The following DOCK4 variants were observed in gnomAD, a reference collection of about 807,000 sequenced individuals.
The protein encoded by DOCK4 is dedicator of cytokinesis 4.
Under a neutral mutation model 268.1 loss-of-function variants are expected in DOCK4, and 97 were observed. That is an observed-to-expected ratio of 0.36 (90% CI 0.31 to 0.43). The LOEUF is 0.43. Among genes scored for constraint, DOCK4 ranks in the 20% least tolerant of loss-of-function variants. The probability of loss-of-function intolerance (pLI) is 1.00; values close to 1 mark genes in which losing one functional copy is unlikely to be tolerated. For synonymous variants in DOCK4, 954 were observed against 887.2 expected (o/e 1.08, Z -1.34); for missense variants, 2,145 against 2,455.7 (o/e 0.87, Z 2.67).
chr7:111,969,600 T>A (rs1797536944), intron 8 of DOCK4, among the ~76,000 whole-genome samples: 1 of 150,696 alleles, frequency 6.6e-6, no homozygotes, highest in Non-Finnish European at 1.5e-5. Flanking sequence ...AAATCTCAGG[T>A]GAATAGGTTC....
intron 8 of DOCK4, among the ~76,000 whole-genome samples, chr7:111,974,880 T>C (rs1798048684): frequency 6.6e-6 from 1 of 152,194 alleles, no homozygotes; most frequent in African/African-American, 2.4e-5. Flanking sequence ...AATGAGATGA[T>C]ATTTAGAGAC....
intron 1 of DOCK4, among the ~76,000 whole-genome samples, chr7:112,072,438 A>G (rs1223359328): frequency 1.3e-5 from 2 of 152,208 alleles, no homozygotes; most frequent in Non-Finnish European, 2.9e-5. Context: ...TTGGGGATGC[A>G]GACAAAAGGG....
chr7:112,137,174 T>A (rs1011541248), intron 1 of DOCK4, among the ~76,000 whole-genome samples: 28 of 152,232 alleles, frequency 1.8e-4, no homozygotes, highest in African/African-American at 6.8e-4. Context: ...TTTTTTATCA[T>A]AGCTTATGTG....
chr7:111,916,711 T>C (rs1254703196), intron 12 of DOCK4, among the ~76,000 whole-genome samples: 1 of 152,176 alleles, frequency 6.6e-6, no homozygotes, highest in African/African-American at 2.4e-5. Context: ...TATGTCTGTA[T>C]GCATACTCCA....
intron 1 of DOCK4, among the ~76,000 whole-genome samples, chr7:112,194,182 T>C (rs1820219763): frequency 6.6e-6 from 1 of 152,180 alleles, no homozygotes; most frequent in African/African-American, 2.4e-5. Context: ...TAAAACCTCT[T>C]CAAATTGTTG....
At position 111,769,572 on chromosome 7, in the gene DOCK4, T is replaced by C. The variant is rs1366117173; in HGVS notation, c.3785A>G (p.Glu1262Gly). Residue 1262 changes from glutamate to glycine, a missense_variant, in exon 37 of 53, where the codon GAG becomes GGG. Glu to Gly is a moderately conservative substitution (Grantham distance 98, BLOSUM62 -2). Coordinates refer to ENST00000428084, the MANE Select transcript of DOCK4 (RefSeq NM_001363540.2). The stretch of plus-strand genomic sequence containing the variant: ...CTGGATGATGGTGAGGTGCAGGTGC[T>C]CTTTGCGCTGCCATTCTGTTTGCAT... ...YPMQTEWQRK[E>G]HLHLTIIQNF... is the part of the protein sequence containing the mutation. The C allele has an allele frequency of 6.2e-7, 1 of 1,613,644 alleles. No homozygotes were observed. The highest frequency in any genetic ancestry group is 8.5e-7 in the Non-Finnish European group (1 of 1,179,768).
chr7:112,028,387 G>A (rs1802989076), intron 1 of DOCK4, among the ~76,000 whole-genome samples: 1 of 152,072 alleles, frequency 6.6e-6, no homozygotes, highest in South Asian at 2.1e-4. Flanking sequence ...GTATTTTGTT[G>A]GCAGAATGGA....
intron 50 of DOCK4, among the ~76,000 whole-genome samples, chr7:111,735,880 A>ATGTTGAG (rs1207821433): frequency 6.6e-6 from 1 of 152,192 alleles, no homozygotes; most frequent in Non-Finnish European, 1.5e-5. Context: ...TCTGGTGGGC[A>ATGTTGAG]TGTTGAGAAT....
In DOCK4 at chr7:111,890,780, T is replaced by C. The variant is rs146425927; in HGVS notation, c.1587+4832A>G. Among the ~76,000 whole-genome samples the C allele has an allele frequency of 3.7e-4, 57 of 152,324 alleles. 1 individual carries two copies. The East Asian group carries it at 0.01, about 28-fold the overall frequency. ...TTTAAGGCCTAAATTAGGATACTAATAGCCTTCAACACAGCAGATTTCTTC... is the reference window on the plus strand; with the variant it reads ...TTTAAGGCCTAAATTAGGATACTAACAGCCTTCAACACAGCAGATTTCTTC... On this transcript the variant is annotated intron_variant, in intron 16 of 52. Transcript: ENST00000428084.
Position 111,974,369 on chromosome 7 carries a change from G to C in DOCK4, c.701+2763C>G, listed in dbSNP as rs572391219. ...TCATTTTTTTGCCAATCACCTTTATGGTGATTGTGAGTTTGAGAGGTGAGA... is the reference window on the plus strand; with the variant it reads ...TCATTTTTTTGCCAATCACCTTTATCGTGATTGTGAGTTTGAGAGGTGAGA... On this transcript the variant is annotated intron_variant, in intron 8 of 52. Transcript: ENST00000428084. Among the ~76,000 whole-genome samples the C allele has an allele frequency of 4.3e-4, 66 of 152,096 alleles. No individual in the cohort carries two copies. In the South Asian group the frequency reaches 0.01, roughly 24 times the overall value.
chr7:111,950,652 A>G (rs1327641377), intron 8 of DOCK4, among the ~76,000 whole-genome samples: 1 of 152,192 alleles, frequency 6.6e-6, no homozygotes, highest in Non-Finnish European at 1.5e-5. Flanking sequence ...ATTCTCTCCA[A>G]ACTTTCCCAT....
At chr7:112,139,298 A>C (rs1052730487) in intron 1 of DOCK4, among the ~76,000 whole-genome samples, 3 of 152,180 alleles carry the variant, frequency 2.0e-5, no homozygotes, top group African/African-American at 7.2e-5. Context: ...AAATACCCCC[A>C]AAAAGGGCTG....
At chr7:112,000,670 G>A in intron 2 of DOCK4, 136 bp from the exon 3 acceptor site, 1 of 534,396 alleles carries the variant, frequency 1.9e-6, no homozygotes, top group Non-Finnish European at 3.1e-6. Flanking sequence ...GGTAGGTATT[G>A]GCCTTAGGCT....
intron 27 of DOCK4, chr7:111,819,515 C>T (rs1401693065): frequency 1.3e-5 from 2 of 152,032 alleles, no homozygotes; most frequent in African/African-American, 4.8e-5. Context: ...CTATGTTATA[C>T]AATATTAGGC....
At chr7:111,763,907 T>C (rs1298234287) in intron 39 of DOCK4, among the ~76,000 whole-genome samples, 2 of 152,156 alleles carry the variant, frequency 1.3e-5, no homozygotes, top group Non-Finnish European at 2.9e-5. Context: ...TTGTCCAGAG[T>C]GGTCTGGAAC....
In DOCK4 at chr7:111,769,645, G is replaced by A. The variant is rs200042398; in HGVS notation, c.3712C>T (p.Leu1238=). ...AAYTLLLYDE[L]LEWSDRPLRE... is the part of the protein sequence containing the mutation. ...AGGGGCCGATCAGACCATTCCAGTAGCTCGTCATATAAGAGGAGGGTATAT... is the reference window on the plus strand; with the variant it reads ...AGGGGCCGATCAGACCATTCCAGTAACTCGTCATATAAGAGGAGGGTATAT... The change falls in exon 37 of 53, where the codon CTA becomes TTA. Residue 1238 remains leucine (L), a synonymous_variant. Transcript: ENST00000428084. The A allele has an allele frequency of 3.1e-6, 5 of 1,613,782 alleles. No homozygotes were observed. Among genetic ancestry groups the A allele is most frequent in the African/African-American group, 1.3e-5 (1 of 75,024 alleles).
At chr7:112,042,935 G>T (rs1301161145) in intron 1 of DOCK4, among the ~76,000 whole-genome samples, 1 of 152,166 alleles carries the variant, frequency 6.6e-6, no homozygotes, top group African/African-American at 2.4e-5. Context: ...AGCCTCTCGT[G>T]CTTGTTTCTT....
At position 111,728,695 on chromosome 7, in the gene DOCK4, G is replaced by A; in HGVS notation, c.5507C>T (p.Ser1836Phe). 1 of 1,613,276 alleles carries A rather than the reference G, an allele frequency of 6.2e-7. No individual in the cohort carries two copies. Among genetic ancestry groups the A allele is most frequent in the Admixed American group, 1.7e-5 (1 of 59,910 alleles). Residue 1836 changes from serine to phenylalanine, a missense_variant, in exon 53 of 53, where the codon TCT (serine) becomes TTT (phenylalanine). By Grantham distance (155) the Ser-to-Phe change is radical. Coordinates refer to ENST00000428084, the MANE Select transcript of DOCK4 (RefSeq NM_001363540.2). ...LKGSVQSFTP[S>F]PVEYHSPGLI... ...TCCTGGCGAGTGGTACTCCACTGGA[G>A]AGGGGGTGAAAGACTGCACAGAGCC... is the stretch of plus-strand genomic sequence containing the variant.
At chr7:111,947,567 T>C (rs1795718234) in intron 8 of DOCK4, among the ~76,000 whole-genome samples, 2 of 135,976 alleles carry the variant, frequency 1.5e-5, no homozygotes, top group African/African-American at 2.8e-5. Flanking sequence ...ACATGTGATA[T>C]TATTCCAAAC....
Sources: allele counts gnomAD v4.1 joint callset (sites outside exome capture counted in the v4.1 genomes callset), GRCh38; gene constraint gnomAD v4.1.1; transcripts MANE v1.5; gene names NCBI Gene and HGNC (gene_info 2026-07-23, HGNC 2026-07-21).